The following CDK14 variants were observed in gnomAD, a reference collection of about 807,000 sequenced individuals.
CDK14 encodes cyclin dependent kinase 14.
Under a neutral mutation model 60.7 loss-of-function variants are expected in CDK14, and 34 were observed. The observed-to-expected ratio is 0.56, with a 90% CI of 0.43 to 0.75. CDK14 has a LOEUF of 0.75. Among genes scored for constraint, CDK14 ranks in the 30% least tolerant of loss-of-function variants. The pLI is 0.00. For synonymous variants in CDK14, 197 were observed against 203.7 expected (o/e 0.97, Z 0.28); for missense variants, 482 against 564.1 (o/e 0.85, Z 1.47).
intron 12 of CDK14, among the ~76,000 whole-genome samples, chr7:91,080,961 A>G (rs1165629852): frequency 6.6e-6 from 1 of 152,242 alleles, no homozygotes; most frequent in Non-Finnish European, 1.5e-5. Context: ...AAGGAAAATG[A>G]TAAAAGCTGA....
intron 2 of CDK14, among the ~76,000 whole-genome samples, chr7:90,625,110 C>T (rs187750888): frequency 1.0e-3 from 155 of 152,102 alleles, no homozygotes; most frequent in Non-Finnish European, 1.2e-3. Flanking sequence ...CTCAGTGCTT[C>T]GGGAGATCAA....
intron 10 of CDK14, among the ~76,000 whole-genome samples, chr7:91,007,798 A>C (rs916274498): frequency 6.6e-6 from 1 of 152,190 alleles, no homozygotes; most frequent in Non-Finnish European, 1.5e-5. Context: ...GGAAAAAAAA[A>C]ACAAAAATCC....
intron 2 of CDK14, among the ~76,000 whole-genome samples, chr7:90,691,963 A>G (rs1358577379): frequency 6.6e-6 from 1 of 152,158 alleles, no homozygotes; most frequent in Non-Finnish European, 1.5e-5. Context: ...GTGGGGCAGG[A>G]GATAAGCAGT....
rs369656199 is a variant in CDK14 at position 91,006,473 on chromosome 7, A to G, written c.1041+22232A>G. Among the ~76,000 whole-genome samples the G allele has an allele frequency of 1.8e-4, 28 of 152,328 alleles. No individual in the cohort carries two copies. In the South Asian group the frequency reaches 1.9e-3, roughly 10 times the overall value. ...CCTTACTACCAACACACGTGCTACT[A>G]AATTCATTTTCTTAATTTGATCACA... is the stretch of plus-strand genomic sequence containing the variant. On this transcript the variant is annotated intron_variant, in intron 10 of 14. Coordinates refer to ENST00000380050, the MANE Select transcript of CDK14 (RefSeq NM_001287135.2).
At chr7:91,040,598 C>T (rs575082585) in intron 10 of CDK14, among the ~76,000 whole-genome samples, 3 of 152,162 alleles carry the variant, frequency 2.0e-5, no homozygotes, top group African/African-American at 7.2e-5. Context: ...TAGTCCTGCC[C>T]CTAAAACTTA....
At chr7:91,019,966 GGTTGGCTGACTCAAGC>G (rs1360106969) in intron 10 of CDK14, among the ~76,000 whole-genome samples, 65 of 152,282 alleles carry the variant, frequency 4.3e-4, no homozygotes, top group African/African-American at 1.4e-3. Flanking sequence ...GATTGATCAA[GGTTGGCTGACTCAAGC>G]TCAGCCATCA....
At chr7:90,962,553 T>C (rs1418495119) in intron 9 of CDK14, among the ~76,000 whole-genome samples, 1 of 152,118 alleles carries the variant, frequency 6.6e-6, no homozygotes, top group Non-Finnish European at 1.5e-5. Flanking sequence ...TCGGTGTGTA[T>C]GTTTGTGAGA....
At chr7:90,625,653 G>A (rs1799861727) in intron 2 of CDK14, among the ~76,000 whole-genome samples, 1 of 152,164 alleles carries the variant, frequency 6.6e-6, no homozygotes, top group African/African-American at 2.4e-5. Flanking sequence ...CTTTCTAAGA[G>A]AGAAGGCTTT....
chr7:90,987,564 G>A (rs1422236489), intron 10 of CDK14, among the ~76,000 whole-genome samples: 1 of 151,996 alleles, frequency 6.6e-6, no homozygotes, highest in Non-Finnish European at 1.5e-5. Context: ...GAATTCTTTT[G>A]ACATTAAATG....
intron 7 of CDK14, among the ~76,000 whole-genome samples, chr7:90,910,292 A>G (rs1350415350): frequency 6.6e-6 from 1 of 152,198 alleles, no homozygotes; most frequent in Non-Finnish European, 1.5e-5. Flanking sequence ...TAATATTTGC[A>G]TTAGCTGTTT....
At chr7:91,164,752 A>G (rs934905039) in intron 14 of CDK14, among the ~76,000 whole-genome samples, 1 of 152,012 alleles carries the variant, frequency 6.6e-6, no homozygotes, top group Non-Finnish European at 1.5e-5. Flanking sequence ...CCCAATATCC[A>G]GTTGTAGACT....
In CDK14 at chr7:91,156,365, T is replaced by C. The variant is rs757427514; in HGVS notation, c.*28+38157T>C. On this transcript the variant is annotated intron_variant, in intron 14 of 14. Transcript: ENST00000380050. ...AAACTGTTCTTTGTCCTGTTTTCTA[T>C]TACTTCTTGGTTGCCCAGCACAGCA... 2.6e-5 allele frequency among the ~76,000 whole-genome samples: 4 copies of C among 152,234 alleles called. 1 individual carries two copies. The highest frequency in any genetic ancestry group is 5.9e-5 in the Non-Finnish European group (4 of 68,034).
At chr7:91,045,009 G>A (rs1413803980) in intron 10 of CDK14, among the ~76,000 whole-genome samples, 2 of 152,202 alleles carry the variant, frequency 1.3e-5, no homozygotes, top group Non-Finnish European at 2.9e-5. Flanking sequence ...TGAGGAAATT[G>A]GAGCTCAGTG....
intron 2 of CDK14, among the ~76,000 whole-genome samples, chr7:90,640,401 A>C (rs1319758509): frequency 6.6e-6 from 1 of 152,158 alleles, no homozygotes; most frequent in East Asian, 1.9e-4. Flanking sequence ...GCCATTTAAA[A>C]ATTTTAAAGT....
chr7:90,856,276 T>C (rs1790813674), intron 5 of CDK14, among the ~76,000 whole-genome samples: 3 of 152,200 alleles, frequency 2.0e-5, no homozygotes, highest in Admixed American at 2.0e-4. Flanking sequence ...ACCTCTTTCC[T>C]CCATAACCCA....
At position 90,664,798 on chromosome 7, in the gene CDK14, G is replaced by C. The variant is rs546243982; in HGVS notation, c.123+60549G>C. On this transcript the variant is annotated intron_variant, in intron 2 of 14. Transcript: ENST00000380050. ...ACTCTGGGGACTGTTGTGGGGTGGGGGGAAGGGGGAGGGATAGCATTAGGA... is the reference window on the plus strand; with the variant it reads ...ACTCTGGGGACTGTTGTGGGGTGGGCGGAAGGGGGAGGGATAGCATTAGGA... Among the ~76,000 whole-genome samples, 431 of 151,764 alleles carry C rather than the reference G, an allele frequency of 2.8e-3. 1 individual carries two copies. Among genetic ancestry groups the C allele is most frequent in the Non-Finnish European group, 5.3e-3 (358 of 67,956 alleles).
At chr7:90,932,563 AT>A (rs1324878192) in intron 8 of CDK14, among the ~76,000 whole-genome samples, 1 of 152,278 alleles carries the variant, frequency 6.6e-6, no homozygotes, top group East Asian at 1.9e-4. Context: ...CATCTCCCAG[AT>A]TTACTAGATT....
At chr7:90,777,976 A>G (rs573727007) in intron 4 of CDK14, among the ~76,000 whole-genome samples, 13 of 152,340 alleles carry the variant, frequency 8.5e-5, no homozygotes, top group Admixed American at 6.5e-4. Context: ...GATATAGAAC[A>G]TCATTCTCTG....
At chr7:90,925,843 A>G (rs1206940199) in intron 8 of CDK14, among the ~76,000 whole-genome samples, 1 of 152,252 alleles carries the variant, frequency 6.6e-6, no homozygotes, top group Non-Finnish European at 1.5e-5. Context: ...GTTATTCAGA[A>G]TAAAGGCAGA....
Sources: allele counts gnomAD v4.1 joint callset (sites outside exome capture counted in the v4.1 genomes callset), GRCh38; gene constraint gnomAD v4.1.1; transcripts MANE v1.5; gene names NCBI Gene and HGNC (gene_info 2026-07-23, HGNC 2026-07-21).